CEP120: variants seen among roughly 807,000 people sequenced by gnomAD.
CEP120 encodes centrosomal protein 120.
CEP120 carries 113 observed loss-of-function variants against 126.5 expected under a neutral mutation model. The observed-to-expected ratio is 0.89, with a 90% CI of 0.77 to 1.04. The LOEUF (loss-of-function observed/expected upper bound fraction) is 1.04. Ranked by LOEUF, CEP120 falls within the 50% of genes least tolerant of loss-of-function variation. The pLI is 0.00. For synonymous variants in CEP120, 400 were observed against 394.3 expected (o/e 1.01, Z -0.17); for missense variants, 1,230 against 1,155.7 (o/e 1.06, Z -0.93).
At chr5:123,414,576 T>C (rs1774263483) in intron 3 of CEP120, among the ~76,000 whole-genome samples, 1 of 152,074 alleles carries the variant, frequency 6.6e-6, no homozygotes, top group East Asian at 1.9e-4. Context: ...TTAACTTTTT[T>C]CCCCCCTTAA....
chr5:123,392,826 T>C (rs1772495954), intron 6 of CEP120, among the ~76,000 whole-genome samples: 1 of 152,158 alleles, frequency 6.6e-6, no homozygotes, highest in African/African-American at 2.4e-5. Flanking sequence ...TGCTTTTAAA[T>C]GGAGTCCAAT....
At chr5:123,371,928 T>G (rs1233966772) in intron 17 of CEP120, among the ~76,000 whole-genome samples, 1 of 152,144 alleles carries the variant, frequency 6.6e-6, no homozygotes, top group African/African-American at 2.4e-5. Context: ...CTATATTTTT[T>G]TAATCATGCC....
chr5:123,394,348 A>G (rs77888910), intron 5 of CEP120, among the ~76,000 whole-genome samples: 4,237 of 152,240 alleles, frequency 0.028, 197 homozygotes, highest in African/African-American at 0.096. Context: ...ACAGGAGGAA[A>G]CTGTTCTACC....
At chr5:123,403,697 A>T (rs1183060198) in intron 4 of CEP120, 5 of 421,394 alleles carry the variant, frequency 1.2e-5, no homozygotes, top group Non-Finnish European at 1.9e-5. Flanking sequence ...GCACCACCTG[A>T]TAAGATGCAA....
intron 11 of CEP120, among the ~76,000 whole-genome samples, chr5:123,383,471 C>T (rs1580686753): frequency 6.6e-6 from 1 of 151,976 alleles, no homozygotes. Context: ...TCTTGTTTTC[C>T]TATTTACATC....
intron 18 of CEP120, among the ~76,000 whole-genome samples, chr5:123,354,537 T>C (rs1769427291): frequency 6.6e-6 from 1 of 152,064 alleles, no homozygotes. Context: ...TTTTTAGCTC[T>C]ATTAATTTTT....
rs1386199029 is a variant in CEP120 at position 123,350,101 on chromosome 5, CAAAG to C, written c.2581-16_2581-13del. 20 of 1,600,220 alleles carry C rather than the reference CAAAG, an allele frequency of 1.2e-5. No individual in the cohort carries two copies. Among genetic ancestry groups the C allele is most frequent in the Admixed American group, 1.8e-5 (1 of 56,860 alleles). On this transcript the variant is annotated splice_polypyrimidine_tract_variant and intron_variant, in intron 18 of 19. Coordinates refer to ENST00000306467, the MANE Select transcript of CEP120 (RefSeq NM_001375405.1). Reference sequence around the variant, plus strand: ...CTTTCTTGCTCCCTCTTGAAAGAAACAAAGAAACAAGTCATATCCTTAATATTAG... The same window carrying C: ...CTTTCTTGCTCCCTCTTGAAAGAAACAAACAAGTCATATCCTTAATATTAG...
chr5:123,418,349 T>C lies in CEP120; in HGVS notation c.206+10A>G. The C allele has an allele frequency of 6.5e-7, 1 of 1,541,686 alleles. No individual in the cohort carries two copies. The highest frequency in any genetic ancestry group is 8.8e-7 in the Non-Finnish European group (1 of 1,140,388). ...ACCAATAAAGAAGCTAAAATGAAAA[T>C]GATAATCACCTGTGCTGATGAAGCG... On this transcript the variant is annotated intron_variant, in intron 2 of 19. Coordinates refer to ENST00000306467, the MANE Select transcript of CEP120 (RefSeq NM_001375405.1).
chr5:123,393,391 T>A lies in CEP120; in HGVS notation c.719A>T (p.Asn240Ile), dbSNP rs1342911098. The change falls in exon 6 of 20, where the codon AAC becomes ATC. Residue 240 changes from asparagine to isoleucine, a missense_variant. Physicochemically the swap from Asn to Ile is moderately radical, Grantham distance 149. Coordinates refer to ENST00000306467, the MANE Select transcript of CEP120 (RefSeq NM_001375405.1). ...VTNEPFNDLI[N>I]PNFEPERASV... ...TGCTCTCTCTGGCTCAAAGTTTGGG[T>A]TGATTAAATCATTGAAGGGTTCATT... is the stretch of plus-strand genomic sequence containing the variant. The A allele has an allele frequency of 6.2e-7, 1 of 1,614,034 alleles. No individual in the cohort carries two copies. The highest frequency in any genetic ancestry group is 1.3e-5 in the African/African-American group (1 of 74,936).
chr5:123,361,019 G>A (rs1424571496), intron 18 of CEP120, among the ~76,000 whole-genome samples: 1 of 114,180 alleles, frequency 8.8e-6, no homozygotes, highest in Non-Finnish European at 1.9e-5. Context: ...CAATTATAAT[G>A]ACATTGTTTC....
intron 10 of CEP120, 98 bp from the exon 11 acceptor site, chr5:123,385,231 T>G (rs1771938468): frequency 1.1e-6 from 1 of 909,594 alleles, no homozygotes; most frequent in Admixed American, 2.9e-5. Flanking sequence ...GTCAAAGATG[T>G]TTTTTGTTAC....
At chr5:123,350,982 C>A (rs112010314) in intron 18 of CEP120, among the ~76,000 whole-genome samples, 1,622 of 152,288 alleles carry the variant, frequency 0.011, 24 homozygotes, top group African/African-American at 0.035. Flanking sequence ...ATCCTTACGT[C>A]ATTTTCTTTT....
intron 10 of CEP120, among the ~76,000 whole-genome samples, chr5:123,385,613 A>C (rs1771965531): frequency 7.4e-6 from 1 of 135,912 alleles, no homozygotes; most frequent in African/African-American, 2.8e-5. Flanking sequence ...ATTCACGACT[A>C]TACCTGTTTT....
At chr5:123,373,560 C>T (rs1359167118) in intron 16 of CEP120, among the ~76,000 whole-genome samples, 2 of 152,230 alleles carry the variant, frequency 1.3e-5, no homozygotes, top group Non-Finnish European at 1.5e-5. Context: ...TTTTACTAGA[C>T]TACTTTGAGG....
chr5:123,357,550 T>TAAAC lies in CEP120; in HGVS notation c.2580+6942_2580+6945dup, dbSNP rs1427865706. Among the ~76,000 whole-genome samples, 5 of 152,244 alleles carry TAAAC rather than the reference T, an allele frequency of 3.3e-5. No homozygotes were observed. In the East Asian group the frequency reaches 5.8e-4, roughly 18 times the overall value. ...ATTAATTTGTAATGAGCACAAGACA[T>TAAAC]AAACAGGCACTCCACAGATGAAGAA... is the stretch of plus-strand genomic sequence containing the variant. On this transcript the variant is annotated intron_variant, in intron 18 of 19. Coordinates refer to ENST00000306467, the MANE Select transcript of CEP120 (RefSeq NM_001375405.1).
At chr5:123,421,591 C>T (rs116518777) in intron 1 of CEP120, among the ~76,000 whole-genome samples, 4 of 151,834 alleles carry the variant, frequency 2.6e-5, no homozygotes, top group Non-Finnish European at 5.9e-5. Flanking sequence ...AGAACTTCAG[C>T]CATCCCACCC....
chr5:123,402,946 G>C (rs1269056776), intron 4 of CEP120, among the ~76,000 whole-genome samples: 3 of 152,180 alleles, frequency 2.0e-5, no homozygotes, highest in African/African-American at 7.2e-5. Context: ...CTTCCAATAT[G>C]TGAGGATGTA....
At position 123,385,025 on chromosome 5, in the gene CEP120, A is replaced by C. The variant is rs766831766; in HGVS notation, c.1689T>G (p.Arg563=). The stretch of plus-strand genomic sequence containing the variant: ...ACTGTTCACCATTAGAACCTAAAAA[A>C]CGAGTTTTTTCTGAAGACAAGATGT... ...LSNILSSEKT[R]FLGSNGEQCW... is the part of the protein sequence containing the mutation. The change falls in exon 11 of 20, where the codon CGT becomes CGG. Residue 563 remains arginine, a synonymous_variant. Coordinates refer to ENST00000306467, the MANE Select transcript of CEP120 (RefSeq NM_001375405.1). 4.3e-6 allele frequency: 7 copies of C among 1,613,812 alleles called. No individual in the cohort carries two copies. The South Asian group carries it at 7.7e-5, about 18-fold the overall frequency.
chr5:123,383,110 A>C, intron 11 of CEP120, 28 bp from the exon 12 acceptor site: 1 of 1,187,500 alleles, frequency 8.4e-7, no homozygotes, highest in Non-Finnish European at 1.2e-6. Flanking sequence ...AATACCTTAA[A>C]ATTCACAGAA....
Sources: gnomAD v4.1 joint callset for allele counts (sites outside exome capture counted in the v4.1 genomes callset) on GRCh38, gnomAD v4.1.1 for gene constraint, MANE v1.5 for transcripts, NCBI Gene and HGNC (gene_info 2026-07-23, HGNC 2026-07-21) for gene names.